ST6GAL1: variants seen among roughly 807,000 people sequenced by gnomAD.
ST6GAL1 encodes beta-galactoside alpha-2,6-sialyltransferase 1.
In ST6GAL1, 20 loss-of-function variants were observed where a neutral mutation model predicts 38.0. That is an observed-to-expected ratio of 0.53 (90% confidence interval 0.37 to 0.77). The LOEUF (loss-of-function observed/expected upper bound fraction) is 0.77. ST6GAL1 is among the 30% of genes least tolerant of loss of function. ST6GAL1 has a pLI of 0.00. For missense variants in ST6GAL1, 432 were observed against 496.4 expected, an observed-to-expected ratio of 0.87 and a Z score of 1.23; for synonymous variants, 196 against 188.2, an observed-to-expected ratio of 1.04 and a Z score of -0.34.
intron 5 of ST6GAL1, among the ~76,000 whole-genome samples, chr3:187,062,606 A>ACACACACACACACACACAC (rs1553835854): frequency 2.7e-5 from 4 of 150,772 alleles, no homozygotes; most frequent in Non-Finnish European, 2.9e-5. Flanking sequence ...ACACACACAC[A>ACACACACACACACACACAC]AAATACTATA....
At chr3:187,007,226 A>G (rs1044825746) in intron 2 of ST6GAL1, among the ~76,000 whole-genome samples, 2 of 152,194 alleles carry the variant, frequency 1.3e-5, no homozygotes, top group Non-Finnish European at 2.9e-5. Flanking sequence ...AGCAGGGGGG[A>G]AAAGCCACTG....
At chr3:187,073,956 A>AT (rs1253912204) in intron 6 of ST6GAL1, 3 of 442,742 alleles carry the variant, frequency 6.8e-6, no homozygotes, top group African/African-American at 6.1e-5. Context: ...AGCACAGGCT[A>AT]TAGGCTAGGC....
At chr3:186,989,124 G>C (rs777050136) in intron 2 of ST6GAL1, among the ~76,000 whole-genome samples, 2 of 152,180 alleles carry the variant, frequency 1.3e-5, no homozygotes, top group Non-Finnish European at 2.9e-5. Context: ...ATTCTTTTAA[G>C]AGTGAGGGGG....
chr3:186,941,061 G>A (rs1213032630), intron 1 of ST6GAL1, among the ~76,000 whole-genome samples: 8 of 152,158 alleles, frequency 5.3e-5, no homozygotes, highest in Admixed American at 1.3e-4. Context: ...CTACCAAGAG[G>A]CTGTTTGCAT....
rs35693392 is a variant in ST6GAL1 at position 186,999,413 on chromosome 3, CTT to C, written c.-183+35502_-183+35503del. On this transcript the variant is annotated intron_variant, in intron 2 of 7. Transcript: ENST00000169298. ...CCTTGAAGGAAGACTACTATAATCTCTTTTTTTTTTTTTTTTGAGACGGAGTC... is the reference window on the plus strand; with the variant it reads ...CCTTGAAGGAAGACTACTATAATCTCTTTTTTTTTTTTTTGAGACGGAGTC... 9.5e-4 allele frequency among the ~76,000 whole-genome samples: 132 copies of C among 138,320 alleles called. 1 individual carries two copies. The highest frequency in any genetic ancestry group is 8.3e-3 in the South Asian group (36 of 4,314). 90.7% of individuals were successfully genotyped at this position (138,320 alleles called of 152,430 possible).
intron 2 of ST6GAL1, among the ~76,000 whole-genome samples, chr3:186,996,887 G>A (rs188549964): frequency 2.6e-5 from 4 of 151,634 alleles, no homozygotes; most frequent in Non-Finnish European, 2.9e-5. Context: ...TGCTACACTG[G>A]TATCCTGCAC....
intron 5 of ST6GAL1, among the ~76,000 whole-genome samples, chr3:187,062,888 G>A (rs1718970776): frequency 6.6e-6 from 1 of 152,182 alleles, no homozygotes; most frequent in Non-Finnish European, 1.5e-5. Flanking sequence ...AACACTGTAT[G>A]ATTCCACTTT....
At chr3:186,986,831 G>C (rs1042477069) in intron 2 of ST6GAL1, 1 of 152,124 alleles carries the variant, frequency 6.6e-6, no homozygotes, top group Admixed American at 6.5e-5. Context: ...AGCAAGTCGA[G>C]CCACCTCTCT....
intron 1 of ST6GAL1, among the ~76,000 whole-genome samples, chr3:186,933,599 C>T (rs35923019): frequency 0.11 from 16,018 of 152,224 alleles, 918 homozygotes; most frequent in Non-Finnish European, 0.12. Flanking sequence ...CTCACCAGGA[C>T]GCTGACCCTG....
At chr3:187,065,787 A>C (rs1719083862) in intron 5 of ST6GAL1, among the ~76,000 whole-genome samples, 1 of 152,196 alleles carries the variant, frequency 6.6e-6, no homozygotes, top group Admixed American at 6.5e-5. Context: ...TTGAAATAAT[A>C]GTTGATGCCA....
intron 2 of ST6GAL1, among the ~76,000 whole-genome samples, chr3:186,968,632 C>A (rs1715233301): frequency 6.6e-6 from 1 of 151,960 alleles, no homozygotes. Flanking sequence ...TGGAATTATA[C>A]AGCATGCATT....
chr3:186,955,605 C>T (rs571205596), intron 1 of ST6GAL1, among the ~76,000 whole-genome samples: 1 of 151,986 alleles, frequency 6.6e-6, no homozygotes, highest in Admixed American at 6.6e-5. Flanking sequence ...CGGGTTCAAG[C>T]GATTCTCTTG....
In ST6GAL1 at chr3:186,951,785, C is replaced by T. The variant is rs141854802; in HGVS notation, c.-324-12000C>T. Among the ~76,000 whole-genome samples the T allele has an allele frequency of 1.7e-4, 26 of 152,312 alleles. No homozygotes were observed. In the East Asian group the frequency reaches 3.1e-3, roughly 18 times the overall value. On this transcript the variant is annotated intron_variant, in intron 1 of 7. Transcript: ENST00000169298. ...CCATTCAGGCTGTGATAACAAAATA[C>T]CGTAAACAGGGTGGTTTATAAACAA... is the stretch of plus-strand genomic sequence containing the variant.
chr3:187,012,797 C>A (rs1328830658), intron 2 of ST6GAL1, among the ~76,000 whole-genome samples: 1 of 152,204 alleles, frequency 6.6e-6, no homozygotes, highest in East Asian at 1.9e-4. Flanking sequence ...ACATTCAGTG[C>A]AAGAGGTCTA....
chr3:186,984,845 CTCCT>C (rs1278246050), intron 2 of ST6GAL1, among the ~76,000 whole-genome samples: 117 of 79,790 alleles, frequency 1.5e-3, no homozygotes, highest in African/African-American at 4.3e-3. Context: ...CCCTCCCTCC[CTCCT>C]TCCTTCCTTC....
In ST6GAL1 at chr3:186,984,747, C is replaced by CTCCCTTCCTTCCTTCCTTCT. The variant is rs1467188845; in HGVS notation, c.-183+20821_-183+20822insTCCCTTCCTTCCTTCCTTCT. Among the ~76,000 whole-genome samples, 233 of 31,632 alleles carry CTCCCTTCCTTCCTTCCTTCT rather than the reference C, an allele frequency of 7.4e-3. 21 individuals are homozygous for CTCCCTTCCTTCCTTCCTTCT. The highest frequency in any genetic ancestry group is 9.8e-3 in the African/African-American group (93 of 9,448). 20.8% of individuals were successfully genotyped at this position (31,632 alleles called of 152,430 possible). ...CCTCCCTTCCTTCCTTCCTTCCCTCCCTCCCTCCCTCCCTCCCTCCTTCCT... is the reference window on the plus strand; with the variant it reads ...CCTCCCTTCCTTCCTTCCTTCCCTCCTCCCTTCCTTCCTTCCTTCTCTCCCTCCCTCCCTCCCTCCTTCCT... On this transcript the variant is annotated intron_variant, in intron 2 of 7. Transcript: ENST00000169298.
chr3:186,937,412 G>A (rs192860506), intron 1 of ST6GAL1, among the ~76,000 whole-genome samples: 310 of 152,290 alleles, frequency 2.0e-3, no homozygotes, highest in African/African-American at 7.2e-3. Context: ...AGTGGGGAGA[G>A]AAGAGGCCTG....
intron 2 of ST6GAL1, among the ~76,000 whole-genome samples, chr3:186,965,455 C>T (rs749702448): frequency 5.3e-5 from 8 of 152,176 alleles, no homozygotes; most frequent in Non-Finnish European, 1.0e-4. Context: ...GAATCTCTTC[C>T]TGTGTCCCAA....
intron 1 of ST6GAL1, among the ~76,000 whole-genome samples, chr3:186,940,758 G>A (rs1171025988): frequency 2.8e-5 from 4 of 144,124 alleles, no homozygotes; most frequent in Non-Finnish European, 6.0e-5. Context: ...TTTACTGTGT[G>A]TATTGGAGGT....
Sources: allele counts gnomAD v4.1 joint callset (sites outside exome capture counted in the v4.1 genomes callset), GRCh38; gene constraint gnomAD v4.1.1; transcripts MANE v1.5; gene names NCBI Gene and HGNC (gene_info 2026-07-23, HGNC 2026-07-21).